RBFOX1: variants seen among roughly 807,000 people sequenced by gnomAD.
RBFOX1 encodes the protein RNA binding protein fox-1 homolog 1.
A neutral mutation model predicts 57.7 loss-of-function variants in RBFOX1; 8 were observed. That is an observed-to-expected ratio of 0.14 (90% CI 0.08 to 0.25). The LOEUF is 0.25. RBFOX1 is among the 10% of genes least tolerant of loss of function. The pLI is 1.00. For synonymous variants in RBFOX1, 326 were observed against 222.4 expected (o/e 1.47, Z -4.15); for missense variants, 611 against 548.5 (o/e 1.11, Z -1.14).
chr16:7,195,132 C>A (rs190669309), intron 4 of RBFOX1, among the ~76,000 whole-genome samples: 194 of 152,242 alleles, frequency 1.3e-3, no homozygotes, highest in African/African-American at 4.5e-3. Context: ...GTCAACTTCA[C>A]CATGTTTTGT....
chr16:5,294,121 C>T (rs149792577), intron 1 of RBFOX1, among the ~76,000 whole-genome samples: 3,628 of 152,080 alleles, frequency 0.024, 135 homozygotes, highest in African/African-American at 0.083. Flanking sequence ...CCCAGCTACT[C>T]GGGAGGCTGA....
chr16:7,619,754 T>A (rs1016981286), intron 10 of RBFOX1, among the ~76,000 whole-genome samples: 1 of 152,312 alleles, frequency 6.6e-6, no homozygotes, highest in Non-Finnish European at 1.5e-5. Context: ...TTCAGTTGAA[T>A]GACAGTTTCT....
At chr16:7,112,120 A>T (rs2064903499) in intron 4 of RBFOX1, among the ~76,000 whole-genome samples, 1 of 152,178 alleles carries the variant, frequency 6.6e-6, no homozygotes, top group Non-Finnish European at 1.5e-5. Context: ...GCGTTAGACC[A>T]AGTGTTGAAA....
intron 1 of RBFOX1, among the ~76,000 whole-genome samples, chr16:5,249,895 G>A (rs1401710808): frequency 6.6e-6 from 1 of 152,056 alleles, no homozygotes; most frequent in African/African-American, 2.4e-5. Context: ...GAAGCAGCAG[G>A]TTGCAGTGAG....
intron 2 of RBFOX1, among the ~76,000 whole-genome samples, chr16:6,387,584 A>C (rs2092365236): frequency 6.6e-6 from 1 of 152,206 alleles, no homozygotes; most frequent in Non-Finnish European, 1.5e-5. Flanking sequence ...CTCATAAAAC[A>C]GGCACCAGCT....
chr16:6,462,395 G>T (rs17140285), intron 2 of RBFOX1, among the ~76,000 whole-genome samples: 99,130 of 152,066 alleles, frequency 0.65, 32,745 homozygotes, highest in African/African-American at 0.72. Flanking sequence ...GCAAGGCATG[G>T]TTATTGTCCA....
At chr16:7,062,563 C>G (rs1477001127) in intron 4 of RBFOX1, among the ~76,000 whole-genome samples, 1 of 152,092 alleles carries the variant, frequency 6.6e-6, no homozygotes, top group East Asian at 1.9e-4. Flanking sequence ...GGTTAAATTT[C>G]CTCTTTCACG....
At chr16:5,717,516 C>T (rs905556671) in intron 3 of RBFOX1, among the ~76,000 whole-genome samples, 1 of 152,182 alleles carries the variant, frequency 6.6e-6, no homozygotes. Context: ...CCACCCTTCA[C>T]CCTTAGTCCC....
At chr16:7,147,920 T>C (rs1208797541) in intron 4 of RBFOX1, among the ~76,000 whole-genome samples, 1 of 152,230 alleles carries the variant, frequency 6.6e-6, no homozygotes, top group Non-Finnish European at 1.5e-5. Context: ...GCTGAACTAA[T>C]TTACATTCTC....
At chr16:6,483,805 C>T in intron 2 of RBFOX1, 7 of 1,368,328 alleles carry the variant, frequency 5.1e-6, no homozygotes, top group South Asian at 1.7e-5. Flanking sequence ...GGCGTGTGCG[C>T]CTCCGGGGCT....
At chr16:6,277,686 A>T (rs1324948506) in intron 1 of RBFOX1, among the ~76,000 whole-genome samples, 1 of 131,908 alleles carries the variant, frequency 7.6e-6, no homozygotes, top group Non-Finnish European at 1.6e-5. Flanking sequence ...AAAAAAAAAA[A>T]TGTCCATTTT....
Position 7,079,039 on chromosome 16 carries a change from G to T in RBFOX1, c.27+26941G>T, listed in dbSNP as rs184618484. On this transcript the variant is annotated intron_variant, in intron 4 of 15. Coordinates refer to ENST00000550418, the MANE Select transcript of RBFOX1 (RefSeq NM_018723.4). The stretch of plus-strand genomic sequence containing the variant: ...GTTAGGGTTTCAAAATATCTTTTTT[G>T]GGGGGAAACATGGTTCAACTCATGA... Among the ~76,000 whole-genome samples the T allele has an allele frequency of 9.9e-3, 1,505 of 151,416 alleles. 30 individuals are homozygous for T. Among genetic ancestry groups the T allele is most frequent in the African/African-American group, 0.034 (1,416 of 41,276 alleles).
At chr16:5,251,749 C>T (rs1396386397) in intron 1 of RBFOX1, among the ~76,000 whole-genome samples, 1 of 99,190 alleles carries the variant, frequency 1.0e-5, no homozygotes, top group African/African-American at 4.1e-5. Context: ...GTATTTTGAT[C>T]TGGATGATGG....
At chr16:5,588,236 G>A (rs1024649405) in intron 2 of RBFOX1, among the ~76,000 whole-genome samples, 1 of 152,178 alleles carries the variant, frequency 6.6e-6, no homozygotes. Context: ...GGATGGAGGT[G>A]ATGGAGTTTC....
At chr16:5,709,157 A>G (rs2051359447) in intron 3 of RBFOX1, among the ~76,000 whole-genome samples, 1 of 152,190 alleles carries the variant, frequency 6.6e-6, no homozygotes, top group African/African-American at 2.4e-5. Flanking sequence ...TGAATACAGC[A>G]TCTGTGGATC....
intron 3 of RBFOX1, among the ~76,000 whole-genome samples, chr16:5,783,882 C>T (rs1356151285): frequency 6.6e-6 from 1 of 152,154 alleles, no homozygotes; most frequent in Non-Finnish European, 1.5e-5. Flanking sequence ...ATTGTTGTGG[C>T]TTTCATGTGT....
chr16:7,517,151 G>A (rs1489985261), intron 4 of RBFOX1, among the ~76,000 whole-genome samples: 1 of 146,054 alleles, frequency 6.8e-6, no homozygotes, highest in Non-Finnish European at 1.5e-5. Context: ...GTGTGTGTGT[G>A]TGTGTGTGTG....
intron 4 of RBFOX1, among the ~76,000 whole-genome samples, chr16:7,454,339 G>C (rs923040540): frequency 6.6e-6 from 1 of 152,286 alleles, no homozygotes; most frequent in South Asian, 2.1e-4. Context: ...AGTAGATGGG[G>C]GTGGGCCCTC....
At chr16:5,291,155 C>T (rs549106566) in intron 1 of RBFOX1, among the ~76,000 whole-genome samples, 1 of 152,212 alleles carries the variant, frequency 6.6e-6, no homozygotes, top group Non-Finnish European at 1.5e-5. Context: ...CTTGGGCATC[C>T]CATGTAACTA....
Sources: gnomAD v4.1 joint callset for allele counts (sites outside exome capture counted in the v4.1 genomes callset) on GRCh38, gnomAD v4.1.1 for gene constraint, MANE v1.5 for transcripts, NCBI Gene and HGNC (gene_info 2026-07-23, HGNC 2026-07-21) for gene names.